The following NCEH1 variants were observed in gnomAD, a reference collection of about 807,000 sequenced individuals.
NCEH1 encodes the protein neutral cholesterol ester hydrolase 1.
A neutral mutation model predicts 25.4 loss-of-function variants in NCEH1; 9 were observed. That is an observed-to-expected ratio of 0.35 (90% CI 0.21 to 0.62). NCEH1 has a LOEUF of 0.62. Among genes scored for constraint, NCEH1 ranks in the 20% least tolerant of loss-of-function variants. The pLI, the probability that NCEH1 is intolerant of heterozygous loss-of-function variation, is 0.72. For missense variants in NCEH1, 412 were observed against 501.1 expected, an observed-to-expected ratio of 0.82 and a Z score of 1.70; for synonymous variants, 200 against 199.8, an observed-to-expected ratio of 1.00 and a Z score of -0.01.
intron 3 of NCEH1, among the ~76,000 whole-genome samples, chr3:172,642,236 C>A (rs998348551): frequency 6.6e-6 from 1 of 151,972 alleles, no homozygotes; most frequent in African/African-American, 2.4e-5. Flanking sequence ...TGCAGTGGCG[C>A]AATCTCAGCT....
chr3:172,647,538 C>T (rs1287810630), intron 2 of NCEH1, among the ~76,000 whole-genome samples: 1 of 152,176 alleles, frequency 6.6e-6, no homozygotes, highest in African/African-American at 2.4e-5. Context: ...GAAACTTCAC[C>T]TTGTTTTGGT....
At chr3:172,634,567 T>C (rs1163754947) in intron 4 of NCEH1, among the ~76,000 whole-genome samples, 1 of 152,200 alleles carries the variant, frequency 6.6e-6, no homozygotes, top group East Asian at 1.9e-4. Context: ...GTATGCTTTC[T>C]GGTGAGCATC....
intron 1 of NCEH1, among the ~76,000 whole-genome samples, chr3:172,660,180 G>C (rs1320386220): frequency 1.4e-5 from 2 of 140,396 alleles, no homozygotes; most frequent in Admixed American, 7.9e-5. Flanking sequence ...CTGTGTCCAA[G>C]TGTGCTCATT....
At chr3:172,686,018 T>C (rs1027547896) in intron 1 of NCEH1, among the ~76,000 whole-genome samples, 3 of 152,210 alleles carry the variant, frequency 2.0e-5, no homozygotes, top group Non-Finnish European at 2.9e-5. Context: ...GCTCAGGAAA[T>C]TGCTGCCCAG....
At chr3:172,645,916 T>A (rs1450847533) in intron 2 of NCEH1, among the ~76,000 whole-genome samples, 1 of 152,236 alleles carries the variant, frequency 6.6e-6, no homozygotes, top group Non-Finnish European at 1.5e-5. Flanking sequence ...ATAGTTTAGT[T>A]TTGAATATAT....
intron 1 of NCEH1, among the ~76,000 whole-genome samples, chr3:172,690,172 G>A (rs530137052): frequency 6.6e-6 from 1 of 152,182 alleles, no homozygotes; most frequent in Non-Finnish European, 1.5e-5. Flanking sequence ...CAAAGTGCTG[G>A]GATTACAAGC....
intron 1 of NCEH1, among the ~76,000 whole-genome samples, chr3:172,673,266 A>G (rs1711749916): frequency 6.6e-6 from 1 of 152,180 alleles, no homozygotes; most frequent in Non-Finnish European, 1.5e-5. Flanking sequence ...AAAGCCTCCT[A>G]GTTAACCCTA....
intron 3 of NCEH1, among the ~76,000 whole-genome samples, chr3:172,642,618 A>AG (rs1328865080): frequency 2.6e-5 from 4 of 151,472 alleles, no homozygotes; most frequent in Admixed American, 6.6e-5. Context: ...AAAAAAAAAA[A>AG]AAAAAAGAAA....
At chr3:172,650,506 G>A (rs1318050083) in intron 1 of NCEH1, among the ~76,000 whole-genome samples, 3 of 151,244 alleles carry the variant, frequency 2.0e-5, no homozygotes, top group Admixed American at 6.6e-5. Context: ...AAAATCAGCC[G>A]GGCATGGTGG....
chr3:172,708,331 C>T (rs1031821674), intron 1 of NCEH1, among the ~76,000 whole-genome samples: 5 of 152,168 alleles, frequency 3.3e-5, no homozygotes, highest in African/African-American at 7.2e-5. Context: ...ATCTGAGTAA[C>T]GAGGTTGACA....
At chr3:172,647,793 C>T in intron 2 of NCEH1, 93 bp downstream of exon 2, 2 of 1,525,548 alleles carry the variant, frequency 1.3e-6, no homozygotes, top group South Asian at 2.4e-5. Context: ...ATAAATGGTC[C>T]CCTTCTTTCC....
intron 1 of NCEH1, among the ~76,000 whole-genome samples, chr3:172,689,225 G>T (rs1712879674): frequency 7.0e-6 from 1 of 142,522 alleles, no homozygotes; most frequent in African/African-American, 2.6e-5. Context: ...ATATTCACAT[G>T]TACCTCATGA....
intron 1 of NCEH1, among the ~76,000 whole-genome samples, chr3:172,695,728 G>C (rs1323493130): frequency 6.6e-6 from 1 of 152,146 alleles, no homozygotes; most frequent in Admixed American, 6.5e-5. Flanking sequence ...TGGATCATTT[G>C]AGGTCAGGAG....
chr3:172,710,906 C>G lies in NCEH1; in HGVS notation c.79G>C (p.Val27Leu). The change falls in exon 1 of 5, where the codon GTG (valine) becomes CTG (leucine). Residue 27 changes from valine (V) to leucine (L), a missense_variant. Physicochemically the swap from Val to Leu is conservative, Grantham distance 32. This residue lies in a region of NCEH1 where 178 missense variants were observed against 189.2 expected (regional missense o/e 0.94). Coordinates refer to ENST00000475381, the MANE Select transcript of NCEH1 (RefSeq NM_020792.6). ...AGCATCAGCTTCCAGGGGTCGGACACGGAGCCAGGCAGCGGGATGTAGACG... is the reference window on the plus strand; with the variant it reads ...AGCATCAGCTTCCAGGGGTCGGACAGGGAGCCAGGCAGCGGGATGTAGACG... ...YYVYIPLPGS[V>L]SDPWKLMLLD... is the part of the protein sequence containing the mutation. 6.2e-7 allele frequency: 1 copy of G among 1,614,100 alleles called. No homozygotes were observed. The highest frequency in any genetic ancestry group is 8.5e-7 in the Non-Finnish European group (1 of 1,179,986).
intron 1 of NCEH1, among the ~76,000 whole-genome samples, chr3:172,695,045 G>A (rs1279464319): frequency 3.9e-5 from 6 of 152,208 alleles, no homozygotes; most frequent in Non-Finnish European, 4.4e-5. Context: ...TAACATGATA[G>A]AGAGGACATG....
At chr3:172,684,044 T>G (rs1411930677) in intron 1 of NCEH1, among the ~76,000 whole-genome samples, 1 of 152,220 alleles carries the variant, frequency 6.6e-6, no homozygotes, top group African/African-American at 2.4e-5. Flanking sequence ...TGAATAAGAT[T>G]ATTAAATAAA....
At chr3:172,652,469 T>A in intron 1 of NCEH1, among the ~76,000 whole-genome samples, 1 of 152,180 alleles carries the variant, frequency 6.6e-6, no homozygotes, top group East Asian at 1.9e-4. Context: ...TGAGGATGAG[T>A]GATACCCACA....
chr3:172,679,895 C>T (rs562767760), intron 1 of NCEH1, among the ~76,000 whole-genome samples: 1 of 152,138 alleles, frequency 6.6e-6, no homozygotes, highest in East Asian at 1.9e-4. Flanking sequence ...GGTGGGAGGG[C>T]CAGGTTTTTT....
At chr3:172,667,131 C>A (rs1718249285) in intron 1 of NCEH1, among the ~76,000 whole-genome samples, 1 of 152,174 alleles carries the variant, frequency 6.6e-6, no homozygotes, top group South Asian at 2.1e-4. Context: ...CAGGAGAGCT[C>A]TGTTTTCAAC....
Sources: gnomAD v4.1 joint callset for allele counts (sites outside exome capture counted in the v4.1 genomes callset) on GRCh38, gnomAD v4.1.1 for gene constraint, gnomAD v4.1.1 regional missense constraint, MANE v1.5 for transcripts, NCBI Gene and HGNC (gene_info 2026-07-23, HGNC 2026-07-21) for gene names.